Variants in EPHA7 observed in about 807,000 individuals in gnomAD.
EPHA7 encodes the protein EPH receptor A7.
A neutral mutation model predicts 112.6 loss-of-function variants in EPHA7; 25 were observed. That is an observed-to-expected ratio of 0.22 (90% CI 0.16 to 0.31). The LOEUF is 0.31. EPHA7 is among the 10% of genes least tolerant of loss of function. The pLI, the probability that EPHA7 is intolerant of heterozygous loss-of-function variation, is 1.00. For synonymous variants in EPHA7, 437 were observed against 406.5 expected (o/e 1.07, Z -0.90); for missense variants, 962 against 1,212.6 (o/e 0.79, Z 3.07).
rs753761090 is a variant in EPHA7, at chr6:93,241,148, C to A, written c.*2278G>T. 1 of 206,264 alleles carries A rather than the reference C, an allele frequency of 4.8e-6. No homozygotes were observed. The highest frequency in any genetic ancestry group is 2.3e-5 in the African/African-American group (1 of 43,844). 12.8% of individuals were successfully genotyped at this position (206,264 alleles called of 1,614,324 possible). The stretch of plus-strand genomic sequence containing the variant: ...TGCTAGAAAAAAGCAGGAAAGACAC[C>A]GTTTGCATGTACCATACTATGTCTT... On this transcript the variant is annotated 3_prime_UTR_variant, in exon 17 of 17. Transcript: ENST00000369303.
intron 7 of EPHA7, among the ~76,000 whole-genome samples, chr6:93,268,561 A>C (rs1222918310): frequency 6.6e-6 from 1 of 151,766 alleles, no homozygotes; most frequent in African/African-American, 2.4e-5. Flanking sequence ...AGGAGAAGAG[A>C]TAACACCTGG....
intron 9 of EPHA7, 59 bp from the exon 10 acceptor site, chr6:93,259,538 C>G: frequency 6.3e-7 from 1 of 1,594,620 alleles, no homozygotes; most frequent in African/African-American, 1.3e-5. Context: ...GTGCAGTCAG[C>G]CCAGGAATTT....
At chr6:93,342,462 A>G (rs186787880) in intron 5 of EPHA7, among the ~76,000 whole-genome samples, 10 of 151,992 alleles carry the variant, frequency 6.6e-5, no homozygotes, top group South Asian at 2.1e-4. Flanking sequence ...GATTGCAACC[A>G]TAAAAAATGA....
chr6:93,390,832 C>T (rs1777870543), intron 3 of EPHA7, among the ~76,000 whole-genome samples: 1 of 151,886 alleles, frequency 6.6e-6, no homozygotes, highest in Non-Finnish European at 1.5e-5. Context: ...AGGTTTATCT[C>T]TCTCTCCAAA....
intron 5 of EPHA7, among the ~76,000 whole-genome samples, chr6:93,310,959 G>A (rs903225973): frequency 2.0e-5 from 3 of 151,570 alleles, no homozygotes; most frequent in Non-Finnish European, 4.4e-5. Context: ...TCTCTGGCAC[G>A]TGATGCTGTA....
At chr6:93,417,137 C>G (rs1779276016) in intron 1 of EPHA7, among the ~76,000 whole-genome samples, 1 of 152,178 alleles carries the variant, frequency 6.6e-6, no homozygotes, top group Non-Finnish European at 1.5e-5. Context: ...GCGTCAGACT[C>G]TGACACGCGC....
At chr6:93,409,802 T>C (rs1217186145) in intron 3 of EPHA7, 2 of 151,522 alleles carry the variant, frequency 1.3e-5, no homozygotes, top group African/African-American at 4.8e-5. Flanking sequence ...AAAAGTTTAC[T>C]AATTCATACA....
In EPHA7 at chr6:93,264,603, A is replaced by G. The variant is rs1391451187; in HGVS notation, c.1733T>C (p.Ile578Thr). The G allele has an allele frequency of 2.5e-6, 4 of 1,601,134 alleles. No individual in the cohort carries two copies. The highest frequency in any genetic ancestry group is 1.3e-5 in the African/African-American group (1 of 74,202). Residue 578 changes from isoleucine to threonine, a missense_variant, in exon 8 of 17, where the codon ATT (isoleucine) becomes ACT (threonine). By Grantham distance (89) the Ile-to-Thr change is moderately conservative (BLOSUM62 -1). This residue lies in a region of EPHA7 where 746 missense variants were observed against 889.2 expected (regional missense o/e 0.84). Transcript: ENST00000369303. ...ILVFMVFGFI[I>T]GRRHCGYSKA... ...CAACTTTGTGTTCTACCTTCTCCCA[A>G]TGATGAAGCCAAAGACCATGAACAC...
chr6:93,332,656 C>T (rs1346375191), intron 5 of EPHA7, among the ~76,000 whole-genome samples: 6 of 151,502 alleles, frequency 4.0e-5, no homozygotes, highest in Non-Finnish European at 4.4e-5. Context: ...AAGACAAAAG[C>T]AAGAGCTATT....
At chr6:93,270,894 C>T (rs931657402) in intron 6 of EPHA7, among the ~76,000 whole-genome samples, 13 of 151,616 alleles carry the variant, frequency 8.6e-5, no homozygotes, top group African/African-American at 2.7e-4. Context: ...CTTTTAGTTG[C>T]CTAATATGCA....
intron 5 of EPHA7, among the ~76,000 whole-genome samples, chr6:93,321,762 T>C (rs892966147): frequency 6.6e-6 from 1 of 151,826 alleles, no homozygotes; most frequent in Non-Finnish European, 1.5e-5. Flanking sequence ...TCAACATTCA[T>C]TGATCAGTTT....
At chr6:93,300,527 T>A (rs944965432) in intron 5 of EPHA7, among the ~76,000 whole-genome samples, 2 of 152,144 alleles carry the variant, frequency 1.3e-5, no homozygotes, top group East Asian at 1.9e-4. Flanking sequence ...TATAATTTTT[T>A]AAAAAGAATT....
chr6:93,335,071 G>T (rs146751792), intron 5 of EPHA7, among the ~76,000 whole-genome samples: 1 of 151,872 alleles, frequency 6.6e-6, no homozygotes, highest in African/African-American at 2.4e-5. Context: ...TATCACCTTC[G>T]GCAATTTGTT....
intron 3 of EPHA7, among the ~76,000 whole-genome samples, chr6:93,382,645 C>G (rs1486240942): frequency 6.6e-6 from 1 of 152,136 alleles, no homozygotes; most frequent in African/African-American, 2.4e-5. Context: ...CCCCACCTTA[C>G]CATTCAGTCC....
intron 5 of EPHA7, among the ~76,000 whole-genome samples, chr6:93,276,724 T>C (rs1771490678): frequency 6.6e-6 from 1 of 152,094 alleles, no homozygotes; most frequent in African/African-American, 2.4e-5. Context: ...TTAAATTGTA[T>C]GTTGAAATAG....
intron 7 of EPHA7, among the ~76,000 whole-genome samples, chr6:93,265,923 T>C (rs1391655284): frequency 6.6e-6 from 1 of 151,638 alleles, no homozygotes; most frequent in Non-Finnish European, 1.5e-5. Context: ...TGACAACTTA[T>C]CTCTTAATTT....
intron 5 of EPHA7, among the ~76,000 whole-genome samples, chr6:93,352,820 C>G (rs1183229649): frequency 6.6e-6 from 1 of 152,008 alleles, no homozygotes; most frequent in Non-Finnish European, 1.5e-5. Flanking sequence ...TTATCCTTAG[C>G]AAACTAACAC....
intron 5 of EPHA7, among the ~76,000 whole-genome samples, chr6:93,300,965 T>C (rs1772948856): frequency 6.6e-6 from 1 of 152,180 alleles, no homozygotes; most frequent in African/African-American, 2.4e-5. Flanking sequence ...TACTGAATAC[T>C]GTAGGCAATT....
intron 5 of EPHA7, among the ~76,000 whole-genome samples, chr6:93,287,830 A>T (rs1772146805): frequency 6.6e-6 from 1 of 152,102 alleles, no homozygotes; most frequent in South Asian, 2.1e-4. Context: ...ATATGAAAAG[A>T]TGTTCATCAT....
Sources: allele counts gnomAD v4.1 joint callset (sites outside exome capture counted in the v4.1 genomes callset), GRCh38; gene constraint gnomAD v4.1.1; regional missense constraint gnomAD v4.1.1; transcripts MANE v1.5; gene names NCBI Gene and HGNC (gene_info 2026-07-23, HGNC 2026-07-21).